CATSPERE: variants seen among roughly 807,000 people sequenced by gnomAD.
CATSPERE encodes the protein catsper channel auxiliary subunit epsilon.
Under a neutral mutation model 114.1 loss-of-function variants are expected in CATSPERE, and 93 were observed. The ratio of observed to expected loss-of-function variants is 0.81; its 90% CI spans 0.69 to 0.97. The LOEUF is 0.97. Ranked by LOEUF, CATSPERE falls within the 50% of genes least tolerant of loss-of-function variation. The pLI, the probability that CATSPERE is intolerant of heterozygous loss-of-function variation, is 0.00. For missense variants in CATSPERE, 1,058 were observed against 1,131.6 expected (o/e 0.93, Z 0.93); for synonymous variants, 341 against 384.1 (o/e 0.89, Z 1.31).
chr1:244,578,581 T>A (rs987759807), intron 11 of CATSPERE, among the ~76,000 whole-genome samples: 10 of 151,710 alleles, frequency 6.6e-5, no homozygotes, highest in African/African-American at 2.4e-4. Flanking sequence ...TAAAGTAAGC[T>A]AGAGAAAAGA....
At chr1:244,486,565 G>A (rs566504913) in intron 5 of CATSPERE, among the ~76,000 whole-genome samples, 32 of 131,230 alleles carry the variant, frequency 2.4e-4, no homozygotes, top group Middle Eastern at 4.7e-3. Flanking sequence ...CGTGGGCCAG[G>A]TGTAGACCCT....
chr1:244,542,519 C>A (rs944376887), intron 8 of CATSPERE, among the ~76,000 whole-genome samples: 2 of 151,374 alleles, frequency 1.3e-5, no homozygotes, highest in African/African-American at 4.8e-5. Flanking sequence ...TCTATTATTT[C>A]CATCTTTATG....
At chr1:244,549,963 G>A (rs1350889080) in intron 8 of CATSPERE, among the ~76,000 whole-genome samples, 1 of 152,172 alleles carries the variant, frequency 6.6e-6, no homozygotes, top group Non-Finnish European at 1.5e-5. Flanking sequence ...CAAAAGAAGA[G>A]CGAATGCACG....
intron 19 of CATSPERE, among the ~76,000 whole-genome samples, chr1:244,614,046 C>G (rs752848346): frequency 6.6e-6 from 1 of 152,148 alleles, no homozygotes; most frequent in African/African-American, 2.4e-5. Flanking sequence ...CCTGCAGAGT[C>G]CCCACCAGGA....
intron 17 of CATSPERE, among the ~76,000 whole-genome samples, chr1:244,596,372 C>T (rs1164282500): frequency 6.6e-6 from 1 of 152,214 alleles, no homozygotes; most frequent in Non-Finnish European, 1.5e-5. Flanking sequence ...CCTGCTCCGT[C>T]TACAGAGCAG....
intron 8 of CATSPERE, among the ~76,000 whole-genome samples, chr1:244,525,405 G>A (rs1450689147): frequency 6.6e-6 from 1 of 151,290 alleles, no homozygotes; most frequent in Non-Finnish European, 1.5e-5. Context: ...TGAGTTAGTG[G>A]GTACAGCACA....
At chr1:244,480,665 C>T (rs565791679) in intron 5 of CATSPERE, among the ~76,000 whole-genome samples, 7 of 56,876 alleles carry the variant, frequency 1.2e-4, no homozygotes, top group Non-Finnish European at 2.4e-4. Context: ...TCCTGGTCCA[C>T]GTAGTCCCTT....
intron 8 of CATSPERE, among the ~76,000 whole-genome samples, chr1:244,548,254 G>A (rs576024854): frequency 6.0e-4 from 91 of 152,322 alleles, no homozygotes; most frequent in Admixed American, 1.1e-3. Flanking sequence ...CCCAATGCAC[G>A]CATGAAAGAA....
At chr1:244,566,726 G>A (rs1308735626) in intron 10 of CATSPERE, among the ~76,000 whole-genome samples, 3 of 124,524 alleles carry the variant, frequency 2.4e-5, no homozygotes, top group African/African-American at 8.6e-5. Context: ...TCATCCCTTT[G>A]AGCCTATGTG....
At chr1:244,451,524 A>T, upstream of CATSPERE, 33 of 1,004,624 alleles carry the variant, frequency 3.3e-5, no homozygotes, top group Non-Finnish European at 3.9e-5. The surrounding 1 kb of genome is among the most constrained non-coding windows in gnomAD (Gnocchi z 6.6). Context: ...TCAAGGTGAC[A>T]CCTCATTTTG....
chr1:244,598,098 A>G (rs1301314581), intron 17 of CATSPERE, among the ~76,000 whole-genome samples: 1 of 152,198 alleles, frequency 6.6e-6, no homozygotes, highest in Non-Finnish European at 1.5e-5. Flanking sequence ...CTAGTTACAC[A>G]CATCTAAATT....
intron 17 of CATSPERE, among the ~76,000 whole-genome samples, chr1:244,604,412 T>G (rs543373205): frequency 6.6e-6 from 1 of 152,368 alleles, no homozygotes; most frequent in Admixed American, 6.5e-5. Context: ...AATAAATGCT[T>G]TTAATAACAA....
chr1:244,521,981 A>G lies in CATSPERE; in HGVS notation c.536+3283A>G, dbSNP rs572353850. Among the ~76,000 whole-genome samples the G allele has an allele frequency of 3.7e-4, 56 of 152,268 alleles. 1 individual carries two copies. Among genetic ancestry groups the G allele is most frequent in the African/African-American group, 1.1e-3 (44 of 41,548 alleles). ...AATTGAACTCAGCTCTGCACCAAGC[A>G]GACCTAATAGACATCTACAGAACTC... On this transcript the variant is annotated intron_variant, in intron 8 of 21. Coordinates refer to ENST00000366534, the MANE Select transcript of CATSPERE (RefSeq NM_001130957.2).
At chr1:244,503,267 TA>T (rs955059553) in intron 7 of CATSPERE, among the ~76,000 whole-genome samples, 88 of 152,216 alleles carry the variant, frequency 5.8e-4, no homozygotes, top group African/African-American at 1.8e-3. Flanking sequence ...AAATGTGAAT[TA>T]AAAAAAATTT....
chr1:244,565,783 C>T (rs1558507281), intron 10 of CATSPERE, among the ~76,000 whole-genome samples: 1 of 152,084 alleles, frequency 6.6e-6, no homozygotes, highest in Admixed American at 6.5e-5. Flanking sequence ...TTTCAAAAAA[C>T]CAGCTCCTGG....
At chr1:244,538,204 T>C (rs1218611155) in intron 8 of CATSPERE, among the ~76,000 whole-genome samples, 1 of 152,210 alleles carries the variant, frequency 6.6e-6, no homozygotes, top group Non-Finnish European at 1.5e-5. Flanking sequence ...ACACGGCTTA[T>C]TGAAACTTAG....
intron 10 of CATSPERE, among the ~76,000 whole-genome samples, chr1:244,570,103 C>G (rs901131393): frequency 6.6e-6 from 1 of 152,062 alleles, no homozygotes; most frequent in African/African-American, 2.4e-5. Flanking sequence ...AATGTTGTAT[C>G]TTTTCATTAT....
At chr1:244,578,107 C>T (rs567314774) in intron 11 of CATSPERE, among the ~76,000 whole-genome samples, 9 of 152,250 alleles carry the variant, frequency 5.9e-5, no homozygotes, top group Middle Eastern at 3.4e-3. Flanking sequence ...GGCACCAACC[C>T]CTGCCCAGTT....
At chr1:244,491,062 C>G (rs917586752) in intron 6 of CATSPERE, among the ~76,000 whole-genome samples, 2 of 152,052 alleles carry the variant, frequency 1.3e-5, no homozygotes, top group African/African-American at 2.4e-5. Context: ...CAAGGATACC[C>G]AGGAATTGAA....
Sources: allele counts gnomAD v4.1 joint callset (sites outside exome capture counted in the v4.1 genomes callset), GRCh38; gene constraint gnomAD v4.1.1; non-coding constraint Gnocchi (gnomAD v3.1); transcripts MANE v1.5; gene names NCBI Gene and HGNC (gene_info 2026-07-23, HGNC 2026-07-21).